Variants in BRAF observed in about 807,000 individuals in gnomAD.
BRAF encodes the protein serine/threonine-protein kinase B-raf.
A neutral mutation model predicts 104.6 loss-of-function variants in BRAF; 16 were observed. The observed-to-expected ratio is 0.15, with a 90% CI of 0.10 to 0.23. BRAF has a LOEUF of 0.23. BRAF is among the 10% of genes least tolerant of loss of function. The pLI is 1.00. For synonymous variants in BRAF, 310 were observed against 341.6 expected (o/e 0.91, Z 1.02); for missense variants, 541 against 937.3 (o/e 0.58, Z 5.52).
At chr7:140,727,347 C>A (rs1395239290) in intron 19 of BRAF, among the ~76,000 whole-genome samples, 1 of 151,952 alleles carries the variant, frequency 6.6e-6, no homozygotes, top group Non-Finnish European at 1.5e-5. Context: ...CCAGGCCTGG[C>A]TAATTTTTGT....
intron 16 of BRAF, among the ~76,000 whole-genome samples, chr7:140,749,758 G>C (rs1797640894): frequency 1.3e-5 from 2 of 152,140 alleles, no homozygotes. Context: ...TCCCATTCCT[G>C]ATTCAGCAAA....
At chr7:140,713,497 T>C in the BRAF span, among the ~76,000 whole-genome samples, 6 of 152,216 alleles carry the variant, frequency 3.9e-5, no homozygotes, top group Admixed American at 3.9e-4. Flanking sequence ...TTGGTTATTC[T>C]AGTTATCCAT....
At chr7:140,763,947 TG>T (rs1364466634) in intron 14 of BRAF, among the ~76,000 whole-genome samples, 1 of 152,248 alleles carries the variant, frequency 6.6e-6, no homozygotes, top group Admixed American at 6.5e-5. Context: ...ACTCATTTTA[TG>T]AGGCCAGAAT....
chr7:140,801,060 CAG>C, intron 6 of BRAF: 1 of 223,862 alleles, frequency 4.5e-6, no homozygotes, highest in Non-Finnish European at 8.8e-6. Context: ...AAATAGCTAA[CAG>C]AATCAGACTA....
At chr7:140,880,897 G>A (rs1316177103) in intron 1 of BRAF, among the ~76,000 whole-genome samples, 1 of 151,976 alleles carries the variant, frequency 6.6e-6, no homozygotes. Context: ...TTGAGCTCAG[G>A]GGTTCAAGGC....
chr7:140,747,367 C>A, intron 17 of BRAF: 13 of 1,271,846 alleles, frequency 1.0e-5, no homozygotes, highest in Non-Finnish European at 1.3e-5. Context: ...AGGCCTTACC[C>A]TTCTGTTGGT....
intron 18 of BRAF, 142 bp from the exon 18 acceptor site, chr7:140,734,912 A>C: frequency 2.2e-6 from 2 of 903,022 alleles, no homozygotes; most frequent in Admixed American, 3.2e-5. Flanking sequence ...ACAAGAAAGC[A>C]CCTGAAATCT....
In BRAF at chr7:140,721,662, C is replaced by G. The variant is rs760138693; in HGVS notation, c.*4832G>C. Reference sequence around the variant, plus strand: ...CTACCCTCTTCTGGGGCTCAACTACCGATGGGCATCAGTAATCCATCCCAG... The same window carrying G: ...CTACCCTCTTCTGGGGCTCAACTACGGATGGGCATCAGTAATCCATCCCAG... On this transcript the variant is annotated 3_prime_UTR_variant, in exon 20 of 20. Coordinates refer to ENST00000644969, the MANE Select transcript of BRAF (RefSeq NM_001374258.1). The G allele has an allele frequency of 6.5e-7, 1 of 1,534,640 alleles. No individual in the cohort carries two copies. The highest frequency in any genetic ancestry group is 1.4e-5 in the African/African-American group (1 of 72,946).
At chr7:140,911,730 A>G (rs932010090) in intron 1 of BRAF, among the ~76,000 whole-genome samples, 1 of 152,236 alleles carries the variant, frequency 6.6e-6, no homozygotes, top group African/African-American at 2.4e-5. Flanking sequence ...ACCAGTAAGT[A>G]TTTGATACAG....
intron 7 of BRAF, among the ~76,000 whole-genome samples, chr7:140,794,794 C>T (rs546865654): frequency 1.3e-5 from 2 of 152,236 alleles, no homozygotes; most frequent in African/African-American, 4.8e-5. Flanking sequence ...TATAAAAATG[C>T]TCTGAGAATG....
chr7:140,797,973 C>A (rs1802662027), intron 7 of BRAF, among the ~76,000 whole-genome samples: 2 of 152,208 alleles, frequency 1.3e-5, no homozygotes, highest in Non-Finnish European at 2.9e-5. Flanking sequence ...CAAGAGAACA[C>A]AACGGCTGCA....
chr7:140,720,361 G>A lies in BRAF; in HGVS notation c.*6133C>T. 1 of 1,062,434 alleles carries A rather than the reference G, an allele frequency of 9.4e-7. No homozygotes were observed. Among genetic ancestry groups the A allele is most frequent in the Non-Finnish European group, 1.1e-6 (1 of 877,518 alleles). 65.8% of individuals were successfully genotyped at this position (1,062,434 alleles called of 1,614,324 possible). On this transcript the variant is annotated 3_prime_UTR_variant, in exon 20 of 20. Coordinates refer to ENST00000644969, the MANE Select transcript of BRAF (RefSeq NM_001374258.1). ...GCATTTTAAAATGAAGGCAGGAGAA[G>A]GGGACAGCACAGAGACATACACCCC...
chr7:140,824,897 A>G (rs994111403), intron 3 of BRAF, among the ~76,000 whole-genome samples: 4 of 151,792 alleles, frequency 2.6e-5, no homozygotes, highest in Admixed American at 1.3e-4. Flanking sequence ...GCGTCTTCTC[A>G]TGCGTTTATT....
At chr7:140,782,110 C>G (rs1800936881) in intron 11 of BRAF, among the ~76,000 whole-genome samples, 1 of 152,010 alleles carries the variant, frequency 6.6e-6, no homozygotes, top group African/African-American at 2.4e-5. Context: ...TGCCCTGTGT[C>G]CAAGTGTTCT....
intron 1 of BRAF, among the ~76,000 whole-genome samples, chr7:140,908,322 C>G (rs895607430): frequency 1.3e-5 from 2 of 152,150 alleles, no homozygotes; most frequent in Non-Finnish European, 1.5e-5. Context: ...TATTATATAT[C>G]TCTCAGGTAA....
chr7:140,845,597 T>C (rs1318300554), intron 2 of BRAF, among the ~76,000 whole-genome samples: 3 of 152,140 alleles, frequency 2.0e-5, no homozygotes, highest in African/African-American at 7.2e-5. Flanking sequence ...AGGCTCAACA[T>C]TGTTAGTCAT....
At chr7:140,889,720 A>T (rs1813995187) in intron 1 of BRAF, among the ~76,000 whole-genome samples, 1 of 152,244 alleles carries the variant, frequency 6.6e-6, no homozygotes, top group Non-Finnish European at 1.5e-5. Flanking sequence ...AGGAGATTCA[A>T]GACAATAATC....
chr7:140,781,398 AAC>A, intron 12 of BRAF, 176 bp downstream of exon 11: 1 of 660,498 alleles, frequency 1.5e-6, no homozygotes, highest in Non-Finnish European at 2.7e-6. Flanking sequence ...GACTGCTGTG[AAC>A]AGTTTTTATT....
intron 1 of BRAF, among the ~76,000 whole-genome samples, chr7:140,889,905 G>A (rs1197836784): frequency 2.6e-5 from 4 of 152,232 alleles, no homozygotes; most frequent in Non-Finnish European, 5.9e-5. Context: ...ATGGACTCTA[G>A]TGTCACAATG....
Sources: allele counts gnomAD v4.1 joint callset (sites outside exome capture counted in the v4.1 genomes callset), GRCh38; gene constraint gnomAD v4.1.1; transcripts MANE v1.5; gene names NCBI Gene and HGNC (gene_info 2026-07-23, HGNC 2026-07-21).